The following ERBB4 variants were observed in gnomAD, a reference collection of about 807,000 sequenced individuals.
The protein encoded by ERBB4 is receptor tyrosine-protein kinase erbB-4.
In ERBB4, 42 loss-of-function variants were observed where a neutral mutation model predicts 158.0. That is an observed-to-expected ratio of 0.27 (90% CI 0.21 to 0.34). The LOEUF is 0.34. Among genes scored for constraint, ERBB4 ranks in the 10% least tolerant of loss-of-function variants. The pLI, the probability that ERBB4 is intolerant of heterozygous loss-of-function variation, is 1.00. For synonymous variants in ERBB4, 583 were observed against 558.7 expected, an observed-to-expected ratio of 1.04 and a Z score of -0.61; for missense variants, 1,333 against 1,624.1, an observed-to-expected ratio of 0.82 and a Z score of 3.08.
chr2:211,626,316 T>A (rs2069841234), intron 17 of ERBB4, among the ~76,000 whole-genome samples: 1 of 152,182 alleles, frequency 6.6e-6, no homozygotes, highest in South Asian at 2.1e-4. Context: ...AAAATATGTT[T>A]TATAGTTTTA....
intron 20 of ERBB4, among the ~76,000 whole-genome samples, chr2:211,458,123 T>C (rs940666606): frequency 8.5e-6 from 1 of 117,420 alleles, no homozygotes; most frequent in Non-Finnish European, 2.0e-5. Flanking sequence ...TATATATCTT[T>C]CATTCTTACC....
chr2:212,182,478 A>G (rs1460346637), intron 1 of ERBB4, among the ~76,000 whole-genome samples: 1 of 151,846 alleles, frequency 6.6e-6, no homozygotes, highest in Non-Finnish European at 1.5e-5. Flanking sequence ...TTTTAGAGTA[A>G]ACTTCCTAGG....
intron 5 of ERBB4, among the ~76,000 whole-genome samples, chr2:211,746,522 G>A (rs2074977177): frequency 1.3e-5 from 2 of 151,812 alleles, no homozygotes; most frequent in South Asian, 2.1e-4. Flanking sequence ...CCTGTGTTTG[G>A]TAGCAAGTGA....
chr2:211,544,351 C>A (rs2066888021), intron 20 of ERBB4, among the ~76,000 whole-genome samples: 1 of 151,918 alleles, frequency 6.6e-6, no homozygotes, highest in African/African-American at 2.4e-5. Flanking sequence ...TTTTTCCAAT[C>A]ATTTAATTAA....
At chr2:211,597,014 C>T (rs765513331) in intron 19 of ERBB4, among the ~76,000 whole-genome samples, 42 of 152,146 alleles carry the variant, frequency 2.8e-4, no homozygotes, top group Non-Finnish European at 4.9e-4. Flanking sequence ...GATCCACCTG[C>T]CTCCAATTCC....
chr2:211,661,903 G>T (rs1212477316), intron 15 of ERBB4, among the ~76,000 whole-genome samples: 1 of 148,660 alleles, frequency 6.7e-6, no homozygotes, highest in Middle Eastern at 3.2e-3. Context: ...GCCGGGCGTA[G>T]TGGCGGGCGC....
At chr2:212,020,152 G>A (rs2076617388) in intron 2 of ERBB4, among the ~76,000 whole-genome samples, 1 of 151,732 alleles carries the variant, frequency 6.6e-6, no homozygotes, top group South Asian at 2.1e-4. Context: ...ATTCTGCTTG[G>A]GATATAAGAC....
intron 1 of ERBB4, among the ~76,000 whole-genome samples, chr2:212,382,842 T>C (rs1262531518): frequency 6.6e-6 from 1 of 151,326 alleles, no homozygotes; most frequent in Non-Finnish European, 1.5e-5. Context: ...TTTCTTTTTG[T>C]ACTCTTCTTT....
At chr2:211,701,132 G>GATGAAAAA (rs1171405851) in intron 12 of ERBB4, among the ~76,000 whole-genome samples, 3 of 152,002 alleles carry the variant, frequency 2.0e-5, no homozygotes, top group African/African-American at 7.2e-5. Flanking sequence ...TAGCAAAATA[G>GATGAAAAA]ATGAAAAAAT....
intron 1 of ERBB4, among the ~76,000 whole-genome samples, chr2:212,177,332 C>T (rs1327170692): frequency 6.6e-6 from 1 of 151,774 alleles, no homozygotes; most frequent in East Asian, 1.9e-4. Flanking sequence ...ACACTGTAAA[C>T]CCACTAAGAA....
Position 211,653,836 on chromosome 2 carries a change from G to A in ERBB4, c.1946+3918C>T, listed in dbSNP as rs576405308. ...ACTACAGGCATGTTCCACCACGCCCGGCTAATTTTTTGTATTTTTAGTAGA... is the reference window on the plus strand; with the variant it reads ...ACTACAGGCATGTTCCACCACGCCCAGCTAATTTTTTGTATTTTTAGTAGA... On this transcript the variant is annotated intron_variant, in intron 16 of 27. Transcript: ENST00000342788. Among the ~76,000 whole-genome samples the A allele has an allele frequency of 2.2e-4, 33 of 151,820 alleles. 1 individual carries two copies. In the South Asian group the frequency reaches 5.8e-3, roughly 27 times the overall value.
At chr2:212,311,278 A>T (rs148684885) in intron 1 of ERBB4, among the ~76,000 whole-genome samples, 1 of 150,998 alleles carries the variant, frequency 6.6e-6, no homozygotes, top group African/African-American at 2.4e-5. Flanking sequence ...AATGAATAGG[A>T]AAATAGAGAA....
intron 20 of ERBB4, among the ~76,000 whole-genome samples, chr2:211,513,374 A>C (rs1262734392): frequency 7.9e-5 from 6 of 75,770 alleles, no homozygotes. Flanking sequence ...AAAAAAAAAA[A>C]AACAAAAAAA....
chr2:211,963,297 C>T (rs1330721741), intron 2 of ERBB4, among the ~76,000 whole-genome samples: 1 of 151,928 alleles, frequency 6.6e-6, no homozygotes, highest in Non-Finnish European at 1.5e-5. Context: ...CTTCCCACCT[C>T]CCACACCCAC....
chr2:211,501,689 C>T (rs2065621337), intron 20 of ERBB4, among the ~76,000 whole-genome samples: 1 of 152,008 alleles, frequency 6.6e-6, no homozygotes, highest in Non-Finnish European at 1.5e-5. Flanking sequence ...CATATAACCT[C>T]AGGTCTTCCA....
At chr2:212,151,720 C>T (rs1338738621) in intron 1 of ERBB4, among the ~76,000 whole-genome samples, 1 of 151,922 alleles carries the variant, frequency 6.6e-6, no homozygotes, top group East Asian at 1.9e-4. Flanking sequence ...GAAACCCTGT[C>T]TCTACTAAAA....
intron 1 of ERBB4, among the ~76,000 whole-genome samples, chr2:212,485,024 C>A (rs1181739053): frequency 6.6e-6 from 1 of 152,184 alleles, no homozygotes; most frequent in Admixed American, 6.5e-5. Flanking sequence ...TTCTGAGGTC[C>A]TGCTCCAATA....
chr2:212,435,102 T>C (rs940028951), intron 1 of ERBB4, among the ~76,000 whole-genome samples: 3 of 151,970 alleles, frequency 2.0e-5, no homozygotes, highest in Non-Finnish European at 2.9e-5. Flanking sequence ...TAGGAAATTG[T>C]TTTTAAAGCT....
chr2:211,849,475 AT>A (rs2077666397), intron 3 of ERBB4, among the ~76,000 whole-genome samples: 1 of 151,862 alleles, frequency 6.6e-6, no homozygotes, highest in Admixed American at 6.6e-5. Flanking sequence ...ACACATAATT[AT>A]TTTTTCTGTG....
Sources: allele counts gnomAD v4.1 joint callset (sites outside exome capture counted in the v4.1 genomes callset), GRCh38; gene constraint gnomAD v4.1.1; transcripts MANE v1.5; gene names NCBI Gene and HGNC (gene_info 2026-07-23, HGNC 2026-07-21).